The following CCDC148 variants were observed in gnomAD, a reference collection of about 807,000 sequenced individuals.
CCDC148 encodes the protein coiled-coil domain-containing protein 148.
In CCDC148, 89 loss-of-function variants were observed where a neutral mutation model predicts 85.7. That is an observed-to-expected ratio of 1.04 (90% CI 0.87 to 1.24). CCDC148 has a LOEUF of 1.24. CCDC148 is among the 50% of genes most tolerant of loss of function. CCDC148 has a pLI of 0.00. For missense variants in CCDC148, 692 were observed against 671.7 expected, an observed-to-expected ratio of 1.03 and a Z score of -0.33; for synonymous variants, 230 against 213.9, an observed-to-expected ratio of 1.08 and a Z score of -0.66.
chr2:158,403,118 A>T (rs1387329241), intron 1 of CCDC148, among the ~76,000 whole-genome samples: 1 of 152,132 alleles, frequency 6.6e-6, no homozygotes, highest in Non-Finnish European at 1.5e-5. Context: ...TTAGGCTGCC[A>T]AGCTAAATTG....
In CCDC148 at chr2:158,419,556, T is replaced by G. The variant is rs182549800; in HGVS notation, c.25+36859A>C. The stretch of plus-strand genomic sequence containing the variant: ...CTTAATTTCTCTGGGTCTCAATTTT[T>G]TAATTTGTAAAATAGGATTAGTAAT... On this transcript the variant is annotated intron_variant, in intron 1 of 13. Transcript: ENST00000283233. 4.9e-3 allele frequency among the ~76,000 whole-genome samples: 745 copies of G among 152,340 alleles called. 3 individuals are homozygous for G. Among genetic ancestry groups the G allele is most frequent in the African/African-American group, 0.017 (709 of 41,578 alleles).
intron 9 of CCDC148, among the ~76,000 whole-genome samples, chr2:158,272,132 T>A (rs193041152): frequency 6.6e-6 from 1 of 152,216 alleles, no homozygotes; most frequent in East Asian, 1.9e-4. Flanking sequence ...GACATGAAAA[T>A]TGTCTAACAA....
intron 7 of CCDC148, among the ~76,000 whole-genome samples, chr2:158,333,889 A>T (rs1462420684): frequency 6.6e-6 from 1 of 152,186 alleles, no homozygotes; most frequent in East Asian, 1.9e-4. Flanking sequence ...TTCTCTTTCA[A>T]TATTGATCTG....
At position 158,355,358 on chromosome 2, in the gene CCDC148, G is replaced by C. The variant is rs1290379777; in HGVS notation, c.147+3091C>G. Reference sequence around the variant, plus strand: ...TTGTCTCAGCCCAAAATCTCCTTAAGCTGATAAGCAACTTCAGCAAAGTCT... The same window carrying C: ...TTGTCTCAGCCCAAAATCTCCTTAACCTGATAAGCAACTTCAGCAAAGTCT... On this transcript the variant is annotated intron_variant, in intron 2 of 13. Transcript: ENST00000283233. Among the ~76,000 whole-genome samples, 5 of 152,212 alleles carry C rather than the reference G, an allele frequency of 3.3e-5. No homozygotes were observed. The East Asian group carries it at 9.6e-4, about 29-fold the overall frequency.
At chr2:158,243,530 C>T (rs1238004863) in intron 10 of CCDC148, among the ~76,000 whole-genome samples, 1 of 152,132 alleles carries the variant, frequency 6.6e-6, no homozygotes, top group African/African-American at 2.4e-5. Flanking sequence ...TCTCGTCTCT[C>T]TCGGTCTCCT....
chr2:158,336,736 T>C, intron 7 of CCDC148, among the ~76,000 whole-genome samples: 1 of 152,192 alleles, frequency 6.6e-6, no homozygotes, highest in Non-Finnish European at 1.5e-5. Context: ...ATTGTTTTTC[T>C]TTTCAAATTC....
At chr2:158,202,608 T>C (rs1290457780) in intron 11 of CCDC148, among the ~76,000 whole-genome samples, 3 of 152,190 alleles carry the variant, frequency 2.0e-5, no homozygotes, top group Non-Finnish European at 2.9e-5. Flanking sequence ...CAGTCTCTGT[T>C]GGCATCTATT....
At chr2:158,248,130 T>C (rs907921809) in intron 10 of CCDC148, among the ~76,000 whole-genome samples, 3 of 151,970 alleles carry the variant, frequency 2.0e-5, no homozygotes, top group Non-Finnish European at 1.5e-5. Flanking sequence ...CATAGCATGA[T>C]AGTGTTCATG....
intron 10 of CCDC148, among the ~76,000 whole-genome samples, chr2:158,248,793 C>T (rs55936826): frequency 0.083 from 12,672 of 152,116 alleles, 616 homozygotes; most frequent in Middle Eastern, 0.13. Context: ...ACTAATGATA[C>T]TGAAATTCTC....
intron 1 of CCDC148, among the ~76,000 whole-genome samples, chr2:158,445,853 A>G (rs1688136406): frequency 6.6e-6 from 1 of 152,176 alleles, no homozygotes; most frequent in South Asian, 2.1e-4. Context: ...AATTCGAATA[A>G]ATGTTAGTGA....
intron 1 of CCDC148, among the ~76,000 whole-genome samples, chr2:158,372,381 G>A (rs1684479273): frequency 6.6e-6 from 1 of 151,888 alleles, no homozygotes; most frequent in South Asian, 2.1e-4. Context: ...AAGAAATACT[G>A]TTTTGCCTCT....
intron 1 of CCDC148, among the ~76,000 whole-genome samples, chr2:158,448,348 T>TA (rs1240859256): frequency 2.6e-5 from 4 of 152,030 alleles, no homozygotes; most frequent in Non-Finnish European, 5.9e-5. Context: ...CCATTTTATT[T>TA]TTTTTTTATT....
intron 1 of CCDC148, among the ~76,000 whole-genome samples, chr2:158,444,424 A>G (rs1157126880): frequency 6.6e-6 from 1 of 152,176 alleles, no homozygotes; most frequent in Non-Finnish European, 1.5e-5. Flanking sequence ...TATTAAATTT[A>G]AGTATTTGAC....
chr2:158,420,384 A>C (rs895431691), intron 1 of CCDC148, among the ~76,000 whole-genome samples: 2 of 152,190 alleles, frequency 1.3e-5, no homozygotes, highest in Non-Finnish European at 2.9e-5. Context: ...CTAACAGCAG[A>C]TCTCTCGGCA....
At chr2:158,318,114 C>A (rs1358393467) in intron 7 of CCDC148, among the ~76,000 whole-genome samples, 4 of 152,154 alleles carry the variant, frequency 2.6e-5, no homozygotes, top group Admixed American at 2.6e-4. Flanking sequence ...ATCTAATCAG[C>A]CTGGTTTCTT....
At chr2:158,190,727 C>A (rs1574367973) in intron 11 of CCDC148, among the ~76,000 whole-genome samples, 1 of 151,994 alleles carries the variant, frequency 6.6e-6, no homozygotes, top group South Asian at 2.1e-4. Flanking sequence ...TGAGGGTTTA[C>A]CTCATAACAT....
chr2:158,400,505 A>C (rs919675003), intron 1 of CCDC148, among the ~76,000 whole-genome samples: 5 of 152,354 alleles, frequency 3.3e-5, no homozygotes, highest in African/African-American at 9.6e-5. Context: ...GGCTAACCAT[A>C]TGCAGAAAGC....
At chr2:158,248,379 C>T (rs1168650955) in intron 10 of CCDC148, among the ~76,000 whole-genome samples, 1 of 151,880 alleles carries the variant, frequency 6.6e-6, no homozygotes, top group African/African-American at 2.4e-5. Flanking sequence ...CCAATGTGTA[C>T]TAATGTCTAT....
At chr2:158,252,745 T>C (rs1688845941) in intron 9 of CCDC148, among the ~76,000 whole-genome samples, 1 of 151,760 alleles carries the variant, frequency 6.6e-6, no homozygotes, top group African/African-American at 2.4e-5. Context: ...TCTCTATCTA[T>C]GTTCATTATT....
Sources: allele counts gnomAD v4.1 joint callset (sites outside exome capture counted in the v4.1 genomes callset), GRCh38; gene constraint gnomAD v4.1.1; transcripts MANE v1.5; gene names NCBI Gene and HGNC (gene_info 2026-07-23, HGNC 2026-07-21).